COL3A1: variants seen among roughly 807,000 people sequenced by gnomAD.
COL3A1 encodes the protein collagen alpha-1(III) chain.
COL3A1 carries 46 observed loss-of-function variants against 200.9 expected under a neutral mutation model. The observed-to-expected ratio is 0.23, with a 90% CI of 0.18 to 0.29. The LOEUF (loss-of-function observed/expected upper bound fraction) is 0.29. COL3A1 is among the 10% of genes least tolerant of loss of function. The pLI, the probability that COL3A1 is intolerant of heterozygous loss-of-function variation, is 1.00. For missense variants in COL3A1, 1,367 were observed against 1,917.6 expected (o/e 0.71, Z 5.36); for synonymous variants, 650 against 628.0 (o/e 1.03, Z -0.52).
chr2:189,002,274 T>G, intron 34 of COL3A1, 24 bp from the exon 35 acceptor site: 2 of 1,605,652 alleles, frequency 1.2e-6, no homozygotes, highest in East Asian at 2.2e-5. Context: ...TCACTGTGAC[T>G]AAGGAGGATA....
chr2:189,002,421 G>T, intron 35 of COL3A1, 70 bp downstream of exon 35: 1 of 1,415,252 alleles, frequency 7.1e-7, no homozygotes, highest in Non-Finnish European at 1.0e-6. Flanking sequence ...AATTACAAAA[G>T]TATAGTCAAG....
At chr2:188,989,657 A>T (rs1042530574) in intron 8 of COL3A1, among the ~76,000 whole-genome samples, 1 of 152,190 alleles carries the variant, frequency 6.6e-6, no homozygotes, top group Non-Finnish European at 1.5e-5. Context: ...CCAAAATAAA[A>T]TCCTTAAAGT....
chr2:189,010,080 A>T, intron 48 of COL3A1, 98 bp from the exon 49 acceptor site: 5 of 1,102,356 alleles, frequency 4.5e-6, no homozygotes, highest in Non-Finnish European at 6.9e-6. Context: ...CAGACACATT[A>T]GCAGTCAACA....
In COL3A1 at chr2:189,006,383, C is replaced by G. The variant is rs369992399; in HGVS notation, c.3132C>G (p.Gly1044=). ...AAAATGGCTCTCCTGGTGCCCCTGG[C>G]GCTCCTGGTCATCCAGGCCCACCTG... The part of the protein sequence containing the change: ...RGENGSPGAP[G]APGHPGPPGP... Residue 1044 remains glycine (G), a synonymous_variant, in exon 43 of 51, where the codon GGC becomes GGG. Transcript: ENST00000304636. 6.2e-7 allele frequency: 1 copy of G among 1,613,990 alleles called. No individual in the cohort carries two copies. The highest frequency in any genetic ancestry group is 8.5e-7 in the Non-Finnish European group (1 of 1,180,030).
At chr2:189,004,678 G>A (rs1688549757) in intron 40 of COL3A1, among the ~76,000 whole-genome samples, 1 of 152,018 alleles carries the variant, frequency 6.6e-6, no homozygotes, top group Non-Finnish European at 1.5e-5. Context: ...GTTTTGAAGG[G>A]GGAAATAGTG....
At chr2:189,009,537 C>T (rs1254363090) in intron 48 of COL3A1, among the ~76,000 whole-genome samples, 1 of 151,846 alleles carries the variant, frequency 6.6e-6, no homozygotes, top group Non-Finnish European at 1.5e-5. Flanking sequence ...TTGATGCAGA[C>T]AATTATAATC....
intron 13 of COL3A1, 30 bp from the exon 14 acceptor site, chr2:188,992,154 A>C: frequency 6.2e-7 from 1 of 1,612,594 alleles, no homozygotes; most frequent in Non-Finnish European, 8.5e-7. Context: ...CAGAATTAAA[A>C]GGATATTTGA....
chr2:188,995,823 A>T (rs1408369361), intron 22 of COL3A1, 33 bp downstream of exon 22: 1 of 1,478,580 alleles, frequency 6.8e-7, no homozygotes. Flanking sequence ...ATGACACTTT[A>T]ATTTAGACAG....
At chr2:188,996,307 C>CATAT in intron 23 of COL3A1, 91 bp from the exon 24 acceptor site, 1 of 812,804 alleles carries the variant, frequency 1.2e-6, no homozygotes, top group Non-Finnish European at 2.0e-6. Flanking sequence ...TATATATATA[C>CATAT]ACACACACAC....
At chr2:188,985,564 T>C in intron 3 of COL3A1, 101 bp from the exon 4 acceptor site, 1 of 765,770 alleles carries the variant, frequency 1.3e-6, no homozygotes. Context: ...ATATTACTTA[T>C]ATTGTTTCCT....
Position 188,994,147 on chromosome 2 carries a change from A to G in COL3A1, c.1194+65A>G. On this transcript the variant is annotated intron_variant, in intron 17 of 50. Coordinates refer to ENST00000304636, the MANE Select transcript of COL3A1 (RefSeq NM_000090.4). This position sits in a 1 kb window ranked among gnomAD's most constrained non-coding sequence, Gnocchi z 4.5. ...ATTACTGGCTTCTTTTGCATTTTGC[A>G]TGACAATAGATTTGTGATATTTAAG... 6.2e-7 allele frequency: 1 copy of G among 1,611,634 alleles called. No homozygotes were observed. Among genetic ancestry groups the G allele is most frequent in the Non-Finnish European group, 8.5e-7 (1 of 1,177,726 alleles).
intron 45 of COL3A1, 117 bp downstream of exon 45, chr2:189,007,724 A>G: frequency 8.0e-7 from 1 of 1,251,904 alleles, no homozygotes; most frequent in East Asian, 2.4e-5. Context: ...AATGGATTTG[A>G]AGGCTAATTT....
chr2:189,008,776 TA>T, intron 47 of COL3A1, 147 bp from the exon 48 acceptor site: 1 of 844,160 alleles, frequency 1.2e-6, no homozygotes, highest in Non-Finnish European at 1.9e-6. Context: ...CACGTGACCC[TA>T]AAGGCACCCA....
rs1183419132 is a variant in COL3A1 at position 188,999,215 on chromosome 2, A to G, written c.2023-70A>G. 3.6e-6 allele frequency: 5 copies of G among 1,380,666 alleles called. 1 individual carries two copies. Among genetic ancestry groups the G allele is most frequent in the African/African-American group, 2.9e-5 (2 of 69,818 alleles). 85.5% of individuals were successfully genotyped at this position (1,380,666 alleles called of 1,614,324 possible). A position where few individuals can be genotyped will look rare whatever the true frequency, so the allele number is the denominator to read the frequency against. On this transcript the variant is annotated intron_variant, in intron 29 of 50. Coordinates refer to ENST00000304636, the MANE Select transcript of COL3A1 (RefSeq NM_000090.4). ...TAACCTAGTGGCCTGATTCAAAATG[A>G]TGCAAGTTAAGGTGCTTTGTTTTTA...
chr2:188,991,287 A>T lies in COL3A1; in HGVS notation c.853-200A>T, dbSNP rs570346591. ...TTGAGCATCTTAGTATAACTTATCA[A>T]TTACTTCACTTTAGTCTTTAAGTTT... On this transcript the variant is annotated intron_variant, in intron 11 of 50. Coordinates refer to ENST00000304636, the MANE Select transcript of COL3A1 (RefSeq NM_000090.4). Among the ~76,000 whole-genome samples the T allele has an allele frequency of 6.6e-5, 10 of 152,308 alleles. No homozygotes were observed. In the Middle Eastern group the frequency reaches 0.01, roughly 155 times the overall value.
chr2:188,997,376 C>T lies in COL3A1; in HGVS notation c.1856C>T (p.Pro619Leu), dbSNP rs373838193. Residue 619 changes from proline to leucine, a missense_variant, in exon 26 of 51, where the codon CCC (proline) becomes CTC (leucine). By Grantham distance (98) the Pro-to-Leu change is moderately conservative. Coordinates refer to ENST00000304636, the MANE Select transcript of COL3A1 (RefSeq NM_000090.4). ...GKNGETGPQGPPGPTGPGGDK... is the reference protein window; with the variant it reads ...GKNGETGPQGLPGPTGPGGDK... ...AATGGTGAAACTGGACCTCAGGGAC[C>T]CCCAGGGCCTACTGTAAGTTCACTC... 1.8e-4 allele frequency: 293 copies of T among 1,613,526 alleles called. 2 individuals are homozygous for T. The highest frequency in any genetic ancestry group is 2.4e-4 in the Non-Finnish European group (284 of 1,179,678).
intron 7 of COL3A1, 118 bp downstream of exon 7, chr2:188,988,761 G>T: frequency 1.4e-6 from 1 of 704,602 alleles, no homozygotes; most frequent in Non-Finnish European, 2.4e-6. Flanking sequence ...CCTTAAGTTT[G>T]TAAATAACGA....
Position 189,011,731 on chromosome 2 carries a change from A to C in COL3A1, c.4358A>C (p.Asp1453Ala). The C allele has an allele frequency of 6.2e-7, 1 of 1,614,004 alleles. No homozygotes were observed. Among genetic ancestry groups the C allele is most frequent in the Non-Finnish European group, 8.5e-7 (1 of 1,179,904 alleles). ...GCACCCTATGACATTGGTGGTCCTG[A>C]TCAAGAATTTGGTGTGGACGTTGGC... ...DIAPYDIGGP[D>A]QEFGVDVGPV... The change falls in exon 51 of 51, where the codon GAT (aspartate) becomes GCT (alanine). Residue 1453 changes from aspartate (D) to alanine (A), a missense_variant. Coordinates refer to ENST00000304636, the MANE Select transcript of COL3A1 (RefSeq NM_000090.4).
chr2:189,002,172 T>C, intron 34 of COL3A1, 126 bp from the exon 35 acceptor site: 1 of 788,866 alleles, frequency 1.3e-6, no homozygotes, highest in Non-Finnish European at 2.2e-6. Flanking sequence ...TCTTCAGAAG[T>C]TTATTGGCTA....
Sources: gnomAD v4.1 joint callset for allele counts (sites outside exome capture counted in the v4.1 genomes callset) on GRCh38, gnomAD v4.1.1 for gene constraint, Gnocchi (gnomAD v3.1) non-coding constraint, MANE v1.5 for transcripts, NCBI Gene and HGNC (gene_info 2026-07-23, HGNC 2026-07-21) for gene names.